FMNL2: variants seen among roughly 807,000 people sequenced by gnomAD.
FMNL2 encodes formin-like protein 2.
FMNL2 carries 51 observed loss-of-function variants against 130.2 expected under a neutral mutation model. The observed-to-expected ratio is 0.39, with a 90% confidence interval of 0.31 to 0.49. The LOEUF is 0.49. Ranked by LOEUF, FMNL2 falls within the 20% of genes least tolerant of loss-of-function variation. The pLI is 0.85. For synonymous variants in FMNL2, 465 were observed against 467.1 expected (o/e 1.00, Z 0.06); for missense variants, 977 against 1,316.2 (o/e 0.74, Z 3.99).
chr2:152,448,828 C>A (rs1159128757), intron 1 of FMNL2, among the ~76,000 whole-genome samples: 1 of 152,184 alleles, frequency 6.6e-6, no homozygotes, highest in Non-Finnish European at 1.5e-5. Flanking sequence ...TTTAAGCTTT[C>A]CCTCAGATAG....
In FMNL2 at chr2:152,601,303, C is replaced by CTT. The variant is rs10567754; in HGVS notation, c.877-6022_877-6021dup. Among the ~76,000 whole-genome samples the CTT allele has an allele frequency of 3.3e-3, 447 of 134,668 alleles. 6 individuals are homozygous for CTT. The highest frequency in any genetic ancestry group is 0.011 in the East Asian group (50 of 4,650). 88.3% of individuals were successfully genotyped at this position (134,668 alleles called of 152,430 possible). The stretch of plus-strand genomic sequence containing the variant: ...CTTTCTTTCTTTTCTTTTCTTTTTT[C>CTT]TTTTTTTTTTTTTTTGAGATGGAGT... On this transcript the variant is annotated intron_variant, in intron 9 of 25. Transcript: ENST00000288670.
intron 1 of FMNL2, among the ~76,000 whole-genome samples, chr2:152,439,589 C>CT (rs1325929586): frequency 6.6e-6 from 1 of 152,026 alleles, no homozygotes; most frequent in East Asian, 1.9e-4. Context: ...ACAGTTTCCT[C>CT]TATCTTGCAG....
Position 152,618,849 on chromosome 2 carries a change from A to G in FMNL2, c.1318A>G (p.Ile440Val). 1 of 1,586,534 alleles carries G rather than the reference A, an allele frequency of 6.3e-7. No homozygotes were observed. The highest frequency in any genetic ancestry group is 1.8e-5 in the Admixed American group (1 of 55,418). ...RNKELDVVRE[I>V]YKDANTQVHT... ...TTGACCTTGGACTTTATTGCAGGAA[A>G]TCTACAAAGATGCAAATACTCAAGT... The change falls in exon 14 of 26, where the codon ATC becomes GTC. Residue 440 changes from isoleucine to valine, a missense_variant. Physicochemically the swap from Ile to Val is conservative, Grantham distance 29. This residue lies in a region of FMNL2 where 689 missense variants were observed against 995.9 expected (regional missense o/e 0.69). Transcript: ENST00000288670.
intron 1 of FMNL2, among the ~76,000 whole-genome samples, chr2:152,466,900 C>T (rs1416602991): frequency 6.6e-6 from 1 of 152,140 alleles, no homozygotes; most frequent in Non-Finnish European, 1.5e-5. Context: ...GGTTGGTGTT[C>T]TAAGGCTTGC....
chr2:152,335,582 C>T lies in FMNL2; in HGVS notation c.-22C>T. The T allele has an allele frequency of 1.3e-6, 2 of 1,575,438 alleles. No individual in the cohort carries two copies. The highest frequency in any genetic ancestry group is 1.7e-6 in the Non-Finnish European group (2 of 1,159,480). On this transcript the variant is annotated 5_prime_UTR_variant, in exon 1 of 26. Transcript: ENST00000288670. ...GCACGCTAGGGGCCCGGAGCAGCCC[C>T]CGGCCCCGGCGCGCCGCCGACATGG...
intron 1 of FMNL2, among the ~76,000 whole-genome samples, chr2:152,374,521 A>G (rs1684057375): frequency 6.6e-6 from 1 of 152,200 alleles, no homozygotes; most frequent in Admixed American, 6.5e-5. Flanking sequence ...TATTTCAGTC[A>G]AGATGTTTGA....
At chr2:152,422,944 C>A (rs769157330) in intron 1 of FMNL2, among the ~76,000 whole-genome samples, 10 of 152,148 alleles carry the variant, frequency 6.6e-5, no homozygotes, top group Non-Finnish European at 1.2e-4. Flanking sequence ...TTAAACTGCT[C>A]TTTTAAGGTA....
chr2:152,344,138 C>A (rs528126437), intron 1 of FMNL2, among the ~76,000 whole-genome samples: 1 of 152,190 alleles, frequency 6.6e-6, no homozygotes, highest in Non-Finnish European at 1.5e-5. Flanking sequence ...GGCAACAGAG[C>A]AAGACTATCT....
chr2:152,384,903 T>A (rs1023035105), intron 1 of FMNL2, among the ~76,000 whole-genome samples: 8 of 152,214 alleles, frequency 5.3e-5, no homozygotes, highest in Admixed American at 1.3e-4. Context: ...TGACACTTTG[T>A]CTCCTCATCC....
At chr2:152,390,941 T>C (rs1685075990) in intron 1 of FMNL2, among the ~76,000 whole-genome samples, 1 of 152,220 alleles carries the variant, frequency 6.6e-6, no homozygotes, top group Non-Finnish European at 1.5e-5. Flanking sequence ...TGAAAATAAA[T>C]GACTTATAAG....
chr2:152,426,307 T>A (rs1687198005), intron 1 of FMNL2, among the ~76,000 whole-genome samples: 3 of 152,310 alleles, frequency 2.0e-5, no homozygotes, highest in African/African-American at 7.2e-5. Context: ...TACTTGTGTA[T>A]TTAGAAGACC....
At chr2:152,336,811 A>ACT (rs1197573735) in intron 1 of FMNL2, among the ~76,000 whole-genome samples, 1 of 151,842 alleles carries the variant, frequency 6.6e-6, no homozygotes, top group Non-Finnish European at 1.5e-5. Context: ...TTACCTCTAA[A>ACT]CTCCACAAGA....
intron 1 of FMNL2, among the ~76,000 whole-genome samples, chr2:152,359,369 CAG>C (rs896351220): frequency 2.0e-5 from 3 of 152,036 alleles, no homozygotes; most frequent in South Asian, 2.1e-4. Context: ...CAATAAATGA[CAG>C]AGTCAGGATT....
chr2:152,407,516 A>G (rs1329568923), intron 1 of FMNL2, among the ~76,000 whole-genome samples: 2 of 151,862 alleles, frequency 1.3e-5, no homozygotes, highest in Non-Finnish European at 2.9e-5. Context: ...AAAGTCCCCA[A>G]ATCTTTTTGT....
chr2:152,393,690 T>C (rs1366583490), intron 1 of FMNL2, among the ~76,000 whole-genome samples: 1 of 152,252 alleles, frequency 6.6e-6, no homozygotes, highest in African/African-American at 2.4e-5. Context: ...AAATCTCTTT[T>C]GCCTATTTAT....
intron 1 of FMNL2, among the ~76,000 whole-genome samples, chr2:152,494,035 T>C (rs1254782872): frequency 6.6e-6 from 1 of 152,156 alleles, no homozygotes; most frequent in Non-Finnish European, 1.5e-5. Context: ...CAAATACAGT[T>C]TGGAAGAAAA....
intron 1 of FMNL2, among the ~76,000 whole-genome samples, chr2:152,496,975 T>C (rs551437018): frequency 6.6e-6 from 1 of 152,258 alleles, no homozygotes; most frequent in African/African-American, 2.4e-5. Flanking sequence ...GTTCGCCTTA[T>C]TAGAGAAAGG....
intron 9 of FMNL2, among the ~76,000 whole-genome samples, chr2:152,602,585 C>G (rs1029871007): frequency 2.6e-5 from 4 of 152,094 alleles, no homozygotes; most frequent in Non-Finnish European, 5.9e-5. Context: ...GGTGGGAGAA[C>G]GAGATATACC....
intron 9 of FMNL2, among the ~76,000 whole-genome samples, chr2:152,606,629 CT>C (rs70974875): frequency 0.24 from 24,880 of 104,710 alleles, 2,943 homozygotes; most frequent in Non-Finnish European, 0.31. Flanking sequence ...TTTTTTGACT[CT>C]TTTTTTTTTT....
Sources: allele counts gnomAD v4.1 joint callset (sites outside exome capture counted in the v4.1 genomes callset), GRCh38; gene constraint gnomAD v4.1.1; regional missense constraint gnomAD v4.1.1; transcripts MANE v1.5; gene names NCBI Gene and HGNC (gene_info 2026-07-23, HGNC 2026-07-21).